Variants in CIROZ observed in about 807,000 individuals in gnomAD.
CIROZ encodes ciliated left-right organizer protein containing ZP-N domains, also known as ciliated left-right organizer ZP-N domains-containing protein.
the CIROZ span, chr1:10,957,467 G>T: frequency 8.4e-7 from 1 of 1,193,990 alleles, no homozygotes; most frequent in Non-Finnish European, 1.1e-6. Context: ...ACGCTAATGG[G>T]GCCCAATTTT....
the CIROZ span, chr1:10,970,103 AAGG>A: frequency 1.3e-6 from 2 of 1,515,654 alleles, no homozygotes; most frequent in South Asian, 1.2e-5. Context: ...AGAAGGAAGG[AAGG>A]AGGAGGGAGG....
chr1:10,982,064 C>T, the CIROZ span: 1 of 1,537,108 alleles, frequency 6.5e-7, no homozygotes, highest in Middle Eastern at 1.7e-4. Context: ...TCTCTCCTGC[C>T]CTGGGAGAAT....
the CIROZ span, chr1:10,966,425 A>G: frequency 6.5e-7 from 1 of 1,536,856 alleles, no homozygotes. Context: ...AGCCAGATGC[A>G]GGAAGTAGCC....
the CIROZ span, among the ~76,000 whole-genome samples, chr1:10,972,706 T>C: frequency 6.6e-6 from 1 of 152,170 alleles, no homozygotes. Context: ...ATAATTAACT[T>C]GGGTCCAAAG....
chr1:10,964,279 T>C, the CIROZ span: 7 of 1,604,656 alleles, frequency 4.4e-6, no homozygotes, highest in Admixed American at 3.4e-5. Context: ...TTTCTGGAAG[T>C]AGGGCAAAAT....
At chr1:10,962,257 C>T in the CIROZ span, among the ~76,000 whole-genome samples, 1,840 of 152,082 alleles carry the variant, frequency 0.012, 22 homozygotes, top group Non-Finnish European at 0.02. Flanking sequence ...ACCAGCCTGG[C>T]CAACATGAGG....
At chr1:10,979,260 C>T in the CIROZ span, among the ~76,000 whole-genome samples, 1 of 152,100 alleles carries the variant, frequency 6.6e-6, no homozygotes, top group African/African-American at 2.4e-5. Flanking sequence ...TCTCAAAATG[C>T]TGGGATTACA....
the CIROZ span, among the ~76,000 whole-genome samples, chr1:10,974,415 C>T: frequency 7.8e-4 from 119 of 152,188 alleles, no homozygotes; most frequent in African/African-American, 2.3e-3. This position sits in a 1 kb window ranked among gnomAD's most constrained non-coding sequence, Gnocchi z 4.4. Flanking sequence ...AAAAGCTAAC[C>T]GCTCTGCTGA....
At chr1:10,946,926 C>G in the CIROZ span, among the ~76,000 whole-genome samples, 2 of 152,214 alleles carry the variant, frequency 1.3e-5, no homozygotes, top group Admixed American at 1.3e-4. Flanking sequence ...AACCATGGCT[C>G]AGGCCCTCCA....
At chr1:10,973,004 G>A in the CIROZ span, among the ~76,000 whole-genome samples, 2 of 152,134 alleles carry the variant, frequency 1.3e-5, no homozygotes, top group Non-Finnish European at 2.9e-5. Flanking sequence ...TTGCCGTATA[G>A]CCTTTGCTGA....
the CIROZ span, among the ~76,000 whole-genome samples, chr1:10,955,781 T>C: frequency 6.7e-6 from 1 of 148,798 alleles, no homozygotes; most frequent in Admixed American, 6.8e-5. Context: ...GAGGTGGAGG[T>C]TGCAATGAGC....
At chr1:10,950,272 T>C in the CIROZ span, among the ~76,000 whole-genome samples, 4 of 152,060 alleles carry the variant, frequency 2.6e-5, no homozygotes, top group Non-Finnish European at 2.9e-5. Context: ...CGACCTCAAA[T>C]GATCTGCCCG....
the CIROZ span, chr1:10,947,515 GA>G: frequency 3.2e-6 from 2 of 629,124 alleles, no homozygotes; most frequent in Non-Finnish European, 4.8e-6. Context: ...TGAGCACAGT[GA>G]TCATCTGGGC....
the CIROZ span, among the ~76,000 whole-genome samples, chr1:10,947,462 C>G: frequency 6.6e-6 from 1 of 152,224 alleles, no homozygotes; most frequent in South Asian, 2.1e-4. Context: ...CTCTCAGTGA[C>G]CCAGTGCCCC....
At chr1:10,957,664 G>A in the CIROZ span, 29 of 1,614,038 alleles carry the variant, frequency 1.8e-5, no homozygotes, top group African/African-American at 2.3e-4. Context: ...CGGTGACAGT[G>A]GTGGCATTCA....
the CIROZ span, among the ~76,000 whole-genome samples, chr1:10,978,927 G>T: frequency 1.3e-5 from 2 of 152,086 alleles, no homozygotes; most frequent in Non-Finnish European, 2.9e-5. Context: ...GCAGGCTGGG[G>T]TTTTACCATA....
chr1:10,974,199 T>C, the CIROZ span, among the ~76,000 whole-genome samples: 1 of 152,088 alleles, frequency 6.6e-6, no homozygotes, highest in East Asian at 1.9e-4. The surrounding 1 kb of genome is among the most constrained non-coding windows in gnomAD (Gnocchi z 4.4). Context: ...GAGTAGGGAC[T>C]CGTGGTGCCT....
the CIROZ span, chr1:10,955,264 T>C: frequency 7.2e-7 from 1 of 1,382,764 alleles, no homozygotes; most frequent in Middle Eastern, 2.0e-4. Flanking sequence ...TGGTGGGCCT[T>C]TGCCAGGGGC....
the CIROZ span, among the ~76,000 whole-genome samples, chr1:10,971,870 A>G: frequency 3.3e-5 from 5 of 152,170 alleles, no homozygotes; most frequent in Admixed American, 3.3e-4. Context: ...CTGTCCAGCA[A>G]AGGGCTGTGG....
Sources: allele counts gnomAD v4.1 joint callset (sites outside exome capture counted in the v4.1 genomes callset), GRCh38; gene constraint gnomAD v4.1.1; non-coding constraint Gnocchi (gnomAD v3.1); transcripts MANE v1.5; gene names NCBI Gene and HGNC (gene_info 2026-07-23, HGNC 2026-07-21).